The following RPRD1A variants were observed in gnomAD, a reference collection of about 807,000 sequenced individuals.
RPRD1A encodes the protein regulation of nuclear pre-mRNA domain containing 1A.
A neutral mutation model predicts 37.8 loss-of-function variants in RPRD1A; 9 were observed. That is an observed-to-expected ratio of 0.24 (90% confidence interval 0.14 to 0.42). The LOEUF is 0.42. Ranked by LOEUF, RPRD1A falls within the 10% of genes least tolerant of loss-of-function variation. The pLI, the probability that RPRD1A is intolerant of heterozygous loss-of-function variation, is 1.00. For missense variants in RPRD1A, 255 were observed against 371.0 expected, an observed-to-expected ratio of 0.69 and a Z score of 2.57; for synonymous variants, 138 against 139.7, an observed-to-expected ratio of 0.99 and a Z score of 0.08.
chr18:36,062,379 G>A (rs1172672713), intron 1 of RPRD1A, among the ~76,000 whole-genome samples: 1 of 149,000 alleles, frequency 6.7e-6, no homozygotes, highest in Non-Finnish European at 1.5e-5. Context: ...TAGCCTGGTG[G>A]ATCCTCAAAA....
chr18:36,026,390 TATTA>T (rs939563228), intron 6 of RPRD1A: 3 of 153,060 alleles, frequency 2.0e-5, no homozygotes, highest in East Asian at 1.9e-4. Context: ...TCATTAGCGG[TATTA>T]ATTATTACTT....
chr18:35,995,740 T>G (rs922713426), intron 6 of RPRD1A, among the ~76,000 whole-genome samples: 4 of 152,186 alleles, frequency 2.6e-5, no homozygotes, highest in Non-Finnish European at 5.9e-5. Context: ...GAAAAAAGAT[T>G]AACTTTACAG....
chr18:36,003,190 G>C (rs1421505774), intron 6 of RPRD1A, among the ~76,000 whole-genome samples: 1 of 152,132 alleles, frequency 6.6e-6, no homozygotes, highest in Non-Finnish European at 1.5e-5. Context: ...AATTCATTTT[G>C]GTAATATGGA....
At chr18:36,051,744 T>C (rs536480447) in intron 1 of RPRD1A, among the ~76,000 whole-genome samples, 3 of 152,262 alleles carry the variant, frequency 2.0e-5, no homozygotes, top group Non-Finnish European at 2.9e-5. Context: ...CCATGGATAA[T>C]GTCAAAAGCA....
intron 6 of RPRD1A, chr18:36,025,951 G>A (rs1326795689): frequency 9.5e-6 from 2 of 210,020 alleles, no homozygotes; most frequent in South Asian, 6.8e-5. Flanking sequence ...GTATTTATAC[G>A]AGCAGAGAAG....
chr18:36,055,099 T>C (rs575978633), intron 1 of RPRD1A, among the ~76,000 whole-genome samples: 25 of 152,330 alleles, frequency 1.6e-4, no homozygotes, highest in Non-Finnish European at 3.4e-4. Context: ...CCCAGTCAAG[T>C]TGACACAGAA....
intron 6 of RPRD1A, among the ~76,000 whole-genome samples, chr18:35,997,945 CA>C (rs202037708): frequency 0.012 from 1,785 of 152,330 alleles, 44 homozygotes; most frequent in African/African-American, 0.04. Flanking sequence ...GACTCCCTTA[CA>C]CTGTTATTTA....
chr18:36,054,280 C>T (rs1377401757), intron 1 of RPRD1A, among the ~76,000 whole-genome samples: 1 of 152,152 alleles, frequency 6.6e-6, no homozygotes, highest in African/African-American at 2.4e-5. Flanking sequence ...CACTTGAGGT[C>T]ACGAGTTCAA....
chr18:36,004,534 C>T (rs1909620598), intron 6 of RPRD1A, among the ~76,000 whole-genome samples: 1 of 152,212 alleles, frequency 6.6e-6, no homozygotes, highest in Non-Finnish European at 1.5e-5. Flanking sequence ...GGATTACAGG[C>T]ATGAGCCGGC....
chr18:36,062,234 G>A (rs972931221), intron 1 of RPRD1A, among the ~76,000 whole-genome samples: 2 of 148,652 alleles, frequency 1.3e-5, no homozygotes, highest in Non-Finnish European at 3.0e-5. Flanking sequence ...GGAGAATGGC[G>A]TGAACCCGGG....
intron 1 of RPRD1A, among the ~76,000 whole-genome samples, chr18:36,056,364 T>C (rs1163967269): frequency 6.6e-6 from 1 of 151,984 alleles, no homozygotes. Flanking sequence ...CTCGGCTCAC[T>C]GCAACCTCCA....
At chr18:36,032,299 A>G (rs1161314808) in intron 2 of RPRD1A, among the ~76,000 whole-genome samples, 1 of 152,246 alleles carries the variant, frequency 6.6e-6, no homozygotes, top group East Asian at 1.9e-4. Flanking sequence ...CATATAATAA[A>G]TATTTATGCA....
At chr18:36,048,878 C>T (rs1027229425) in intron 1 of RPRD1A, among the ~76,000 whole-genome samples, 1 of 152,096 alleles carries the variant, frequency 6.6e-6, no homozygotes, top group Non-Finnish European at 1.5e-5. Flanking sequence ...GCATAGCAAA[C>T]CCCAAGGAAT....
chr18:36,038,486 T>C (rs569041613), intron 1 of RPRD1A, among the ~76,000 whole-genome samples: 2 of 152,304 alleles, frequency 1.3e-5, no homozygotes, highest in South Asian at 4.1e-4. Flanking sequence ...AGAGGATATA[T>C]GGAAACACCT....
At chr18:36,062,706 T>C (rs2088940925) in intron 1 of RPRD1A, among the ~76,000 whole-genome samples, 1 of 152,154 alleles carries the variant, frequency 6.6e-6, no homozygotes, top group Admixed American at 6.5e-5. Context: ...CCACATACTA[T>C]ATAATTCTAT....
chr18:36,005,132 T>C (rs1004299059), intron 6 of RPRD1A, among the ~76,000 whole-genome samples: 1 of 151,918 alleles, frequency 6.6e-6, no homozygotes, highest in Non-Finnish European at 1.5e-5. Flanking sequence ...AAACCCCGTC[T>C]CCGCTAAAAA....
chr18:36,003,285 G>A (rs904384288), intron 6 of RPRD1A, among the ~76,000 whole-genome samples: 1 of 152,146 alleles, frequency 6.6e-6, no homozygotes, highest in Non-Finnish European at 1.5e-5. Flanking sequence ...TGATCACTTG[G>A]TTTATTAGTG....
chr18:36,034,874 C>T (rs1912080368), intron 1 of RPRD1A, among the ~76,000 whole-genome samples: 1 of 152,164 alleles, frequency 6.6e-6, no homozygotes, highest in Non-Finnish European at 1.5e-5. Flanking sequence ...ACATCATTCT[C>T]GAGGAGCAAC....
At chr18:36,051,106 G>C (rs1342736500) in intron 1 of RPRD1A, among the ~76,000 whole-genome samples, 1 of 152,098 alleles carries the variant, frequency 6.6e-6, no homozygotes, top group Admixed American at 6.5e-5. Flanking sequence ...ACAAAGGTCA[G>C]ACCTATGTTG....
Sources: allele counts gnomAD v4.1 joint callset (sites outside exome capture counted in the v4.1 genomes callset), GRCh38; gene constraint gnomAD v4.1.1; transcripts MANE v1.5; gene names NCBI Gene and HGNC (gene_info 2026-07-23, HGNC 2026-07-21).